FMNL2: variants seen among roughly 807,000 people sequenced by gnomAD.
FMNL2 encodes formin-like protein 2.
Under a neutral mutation model 130.2 loss-of-function variants are expected in FMNL2, and 51 were observed. The observed-to-expected ratio is 0.39, with a 90% CI of 0.31 to 0.49. The LOEUF (loss-of-function observed/expected upper bound fraction) is 0.49, where lower values mean the gene tolerates loss of function less well. Among genes scored for constraint, FMNL2 ranks in the 20% least tolerant of loss-of-function variants. The pLI is 0.85. For missense variants in FMNL2, 977 were observed against 1,316.2 expected, an observed-to-expected ratio of 0.74 and a Z score of 3.99; for synonymous variants, 465 against 467.1, an observed-to-expected ratio of 1.00 and a Z score of 0.06.
At chr2:152,557,239 T>C (rs571137459) in intron 4 of FMNL2, among the ~76,000 whole-genome samples, 3 of 152,278 alleles carry the variant, frequency 2.0e-5, no homozygotes, top group African/African-American at 7.2e-5. Context: ...GAAATGAAAC[T>C]TCAGCCTCCA....
chr2:152,500,157 G>A (rs956243983), intron 1 of FMNL2, among the ~76,000 whole-genome samples: 2 of 152,098 alleles, frequency 1.3e-5, no homozygotes, highest in African/African-American at 4.8e-5. Flanking sequence ...AGAACATGTT[G>A]TTATAGGCAA....
At chr2:152,438,913 G>A (rs763292717) in intron 1 of FMNL2, among the ~76,000 whole-genome samples, 58 of 151,990 alleles carry the variant, frequency 3.8e-4, no homozygotes, top group African/African-American at 1.3e-3. Flanking sequence ...ATCAGTTGCC[G>A]GCACTTATGT....
At chr2:152,517,376 G>A (rs151056949) in intron 1 of FMNL2, among the ~76,000 whole-genome samples, 18 of 152,202 alleles carry the variant, frequency 1.2e-4, no homozygotes, top group East Asian at 1.9e-4. Context: ...AATGCCTACC[G>A]TTTGCCATAC....
intron 9 of FMNL2, among the ~76,000 whole-genome samples, chr2:152,581,576 C>T (rs1421266237): frequency 2.0e-5 from 3 of 152,214 alleles, no homozygotes; most frequent in Non-Finnish European, 4.4e-5. Flanking sequence ...GGAGGGATTA[C>T]ACAAAGACAA....
chr2:152,379,303 C>G (rs66526317), intron 1 of FMNL2, among the ~76,000 whole-genome samples: 19,935 of 152,208 alleles, frequency 0.13, 1,439 homozygotes, highest in Middle Eastern at 0.28. Context: ...TTGGCCACCT[C>G]ATCATGAGTG....
chr2:152,593,820 T>G (rs1697571759), intron 9 of FMNL2, among the ~76,000 whole-genome samples: 1 of 132,118 alleles, frequency 7.6e-6, no homozygotes, highest in Admixed American at 8.2e-5. Context: ...GAGAACAAGT[T>G]TAAACAGAGG....
intron 1 of FMNL2, among the ~76,000 whole-genome samples, chr2:152,381,545 C>T (rs1684463473): frequency 6.6e-6 from 1 of 152,122 alleles, no homozygotes; most frequent in Non-Finnish European, 1.5e-5. Flanking sequence ...TTTAATATTC[C>T]TGTCGTTAGG....
chr2:152,515,603 A>G (rs1003214989), intron 1 of FMNL2, among the ~76,000 whole-genome samples: 1 of 152,186 alleles, frequency 6.6e-6, no homozygotes, highest in African/African-American at 2.4e-5. Flanking sequence ...GAAACATTGT[A>G]GTTTAAATGT....
At chr2:152,422,617 G>A (rs569916610) in intron 1 of FMNL2, among the ~76,000 whole-genome samples, 3 of 152,124 alleles carry the variant, frequency 2.0e-5, no homozygotes, top group African/African-American at 7.2e-5. Context: ...TTCTGCCTCC[G>A]GGCTCACCTC....
intron 1 of FMNL2, among the ~76,000 whole-genome samples, chr2:152,360,775 ACT>A (rs1244994261): frequency 6.6e-6 from 1 of 152,130 alleles, no homozygotes; most frequent in Non-Finnish European, 1.5e-5. Flanking sequence ...TGTTGGTCTG[ACT>A]TATTTTAGGT....
chr2:152,561,160 C>A, intron 6 of FMNL2, 125 bp downstream of exon 6: 2 of 979,702 alleles, frequency 2.0e-6, no homozygotes, highest in Non-Finnish European at 2.9e-6. Context: ...TTTGCAATGA[C>A]TCTAAATGAA....
intron 1 of FMNL2, among the ~76,000 whole-genome samples, chr2:152,364,225 C>T (rs1168068940): frequency 7.1e-6 from 1 of 141,334 alleles, no homozygotes; most frequent in South Asian, 2.3e-4. Context: ...ATTTTCACAT[C>T]CTTTAGGAGT....
intron 1 of FMNL2, among the ~76,000 whole-genome samples, chr2:152,503,561 A>T (rs1027949409): frequency 6.6e-6 from 1 of 152,122 alleles, no homozygotes; most frequent in African/African-American, 2.4e-5. Context: ...AGCCTGACTA[A>T]AGTTTGGTCA....
chr2:152,643,900 T>A, intron 25 of FMNL2: 1 of 984,794 alleles, frequency 1.0e-6, no homozygotes. Context: ...TATCCATTAA[T>A]AACAATAACT....
intron 1 of FMNL2, among the ~76,000 whole-genome samples, chr2:152,432,160 G>T (rs1687528220): frequency 6.6e-6 from 1 of 151,758 alleles, no homozygotes; most frequent in African/African-American, 2.4e-5. Flanking sequence ...TGGGCCCACA[G>T]GCTGAATATG....
chr2:152,481,019 G>A (rs1690489725), intron 1 of FMNL2, among the ~76,000 whole-genome samples: 1 of 152,188 alleles, frequency 6.6e-6, no homozygotes, highest in African/African-American at 2.4e-5. Flanking sequence ...ATATACACAA[G>A]TGGCTCCCAT....
intron 1 of FMNL2, among the ~76,000 whole-genome samples, chr2:152,508,943 G>C (rs1184767061): frequency 6.6e-6 from 1 of 152,084 alleles, no homozygotes; most frequent in Admixed American, 6.5e-5. Context: ...GCACACTCTA[G>C]GGCCTGCTTC....
chr2:152,390,261 C>T (rs1001814805), intron 1 of FMNL2: 31 of 1,448,198 alleles, frequency 2.1e-5, no homozygotes, highest in African/African-American at 7.0e-5. Flanking sequence ...GCAGCACCTC[C>T]GGGTGGGGCT....
intron 1 of FMNL2, among the ~76,000 whole-genome samples, chr2:152,486,314 G>T (rs1165496530): frequency 6.6e-6 from 1 of 152,206 alleles, no homozygotes; most frequent in Non-Finnish European, 1.5e-5. Context: ...TGTTAAAGGA[G>T]AACTTTTTAT....
Sources: allele counts gnomAD v4.1 joint callset (sites outside exome capture counted in the v4.1 genomes callset), GRCh38; gene constraint gnomAD v4.1.1; transcripts MANE v1.5; gene names NCBI Gene and HGNC (gene_info 2026-07-23, HGNC 2026-07-21).